ST6GALNAC3: variants seen among roughly 807,000 people sequenced by gnomAD.
The protein encoded by ST6GALNAC3 is ST6 N-acetylgalactosaminide alpha-2,6-sialyltransferase 3.
Under a neutral mutation model 32.7 loss-of-function variants are expected in ST6GALNAC3, and 25 were observed. That is an observed-to-expected ratio of 0.76 (90% confidence interval 0.56 to 1.07). The LOEUF is 1.07. Ranked by LOEUF, ST6GALNAC3 falls within the 50% of genes least tolerant of loss-of-function variation. The pLI, the probability that ST6GALNAC3 is intolerant of heterozygous loss-of-function variation, is 0.00. For missense variants in ST6GALNAC3, 355 were observed against 382.4 expected (o/e 0.93, Z 0.60); for synonymous variants, 129 against 133.1 (o/e 0.97, Z 0.21).
chr1:76,165,147 T>C lies in ST6GALNAC3; in HGVS notation c.18+90263T>C, dbSNP rs530878173. 2.6e-5 allele frequency among the ~76,000 whole-genome samples: 4 copies of C among 152,278 alleles called. No individual in the cohort carries two copies. The South Asian group carries it at 8.3e-4, about 32-fold the overall frequency. ...TAAGCCTAGTACCTGTTAGTTATTG[T>C]TCCTGATCCTCTCCCTCCTCTCACC... is the stretch of plus-strand genomic sequence containing the variant. On this transcript the variant is annotated intron_variant, in intron 1 of 4. Coordinates refer to ENST00000328299, the MANE Select transcript of ST6GALNAC3 (RefSeq NM_152996.4).
At chr1:76,346,741 A>G (rs1471064860) in intron 2 of ST6GALNAC3, among the ~76,000 whole-genome samples, 2 of 152,142 alleles carry the variant, frequency 1.3e-5, no homozygotes, top group Admixed American at 1.3e-4. Flanking sequence ...CTGAGCACCC[A>G]GTTCCTTCTA....
At chr1:76,260,262 A>G (rs553209176) in intron 1 of ST6GALNAC3, among the ~76,000 whole-genome samples, 1 of 152,186 alleles carries the variant, frequency 6.6e-6, no homozygotes, top group Non-Finnish European at 1.5e-5. Context: ...TAGAAAATCA[A>G]ATGCCATTTA....
At chr1:76,635,301 TTATC>T (rs1410556408), downstream of ST6GALNAC3, among the ~76,000 whole-genome samples, 3 of 152,180 alleles carry the variant, frequency 2.0e-5, no homozygotes, top group African/African-American at 7.2e-5. Flanking sequence ...CAGCTTATAG[TTATC>T]TATCCAACTC....
At chr1:76,186,018 A>G (rs1300854404) in intron 1 of ST6GALNAC3, among the ~76,000 whole-genome samples, 5 of 152,206 alleles carry the variant, frequency 3.3e-5, no homozygotes, top group Admixed American at 3.3e-4. Context: ...GGACTTGAGC[A>G]TCTGCAGATT....
intron 1 of ST6GALNAC3, among the ~76,000 whole-genome samples, chr1:76,116,249 G>A (rs1001972320): frequency 6.6e-6 from 1 of 152,016 alleles, no homozygotes; most frequent in African/African-American, 2.4e-5. Context: ...GTGAGGGAAG[G>A]TGAGTATGCC....
At chr1:76,569,761 T>C (rs1206811478) in intron 3 of ST6GALNAC3, among the ~76,000 whole-genome samples, 1 of 152,136 alleles carries the variant, frequency 6.6e-6, no homozygotes, top group Non-Finnish European at 1.5e-5. Flanking sequence ...TATTTCTCAC[T>C]AGAAATAGCA....
At chr1:76,503,491 T>C (rs1661300850) in intron 3 of ST6GALNAC3, among the ~76,000 whole-genome samples, 1 of 152,242 alleles carries the variant, frequency 6.6e-6, no homozygotes, top group African/African-American at 2.4e-5. Flanking sequence ...TGACTGGTAA[T>C]AGCAAAATCT....
intron 3 of ST6GALNAC3, among the ~76,000 whole-genome samples, chr1:76,588,618 G>A (rs1182065431): frequency 6.6e-6 from 1 of 152,106 alleles, no homozygotes; most frequent in Non-Finnish European, 1.5e-5. Flanking sequence ...CACCATTTGG[G>A]GGCTCCCTTG....
intron 3 of ST6GALNAC3, among the ~76,000 whole-genome samples, chr1:76,429,924 T>C (rs1655639751): frequency 6.6e-6 from 1 of 152,182 alleles, no homozygotes; most frequent in African/African-American, 2.4e-5. Context: ...TGAAACATTC[T>C]CTCCCCAAGA....
At chr1:76,440,773 T>G (rs896538071) in intron 3 of ST6GALNAC3, among the ~76,000 whole-genome samples, 8 of 152,120 alleles carry the variant, frequency 5.3e-5, no homozygotes, top group Non-Finnish European at 1.0e-4. Context: ...GGATTTTTCT[T>G]CAGGATCTGC....
At chr1:76,142,284 A>T (rs188662670) in intron 1 of ST6GALNAC3, among the ~76,000 whole-genome samples, 10 of 152,200 alleles carry the variant, frequency 6.6e-5, no homozygotes, top group Non-Finnish European at 1.5e-4. Flanking sequence ...GGCTTAAATC[A>T]AATAGAAGTG....
In ST6GALNAC3 at chr1:76,467,857, A is replaced by G. The variant is rs78821539; in HGVS notation, c.623+55440A>G. On this transcript the variant is annotated intron_variant, in intron 3 of 4. Coordinates refer to ENST00000328299, the MANE Select transcript of ST6GALNAC3 (RefSeq NM_152996.4). The stretch of plus-strand genomic sequence containing the variant: ...TAAAAAGTGGCAGCATATAAATTGC[A>G]ATAAAATGAAATACAATTTTCACTG... 9.7e-3 allele frequency among the ~76,000 whole-genome samples: 1,472 copies of G among 152,110 alleles called. 29 individuals are homozygous for G. The highest frequency in any genetic ancestry group is 0.033 in the African/African-American group (1,368 of 41,524).
intron 1 of ST6GALNAC3, among the ~76,000 whole-genome samples, chr1:76,092,465 C>T (rs574954324): frequency 1.4e-5 from 2 of 147,412 alleles, no homozygotes; most frequent in Admixed American, 1.4e-4. Flanking sequence ...TTGATAAGCA[C>T]CAGGTGCTTT....
chr1:76,334,359 G>A (rs1184016185), intron 2 of ST6GALNAC3, among the ~76,000 whole-genome samples: 1 of 126,608 alleles, frequency 7.9e-6, no homozygotes, highest in Non-Finnish European at 1.9e-5. Context: ...TTTACCTTTT[G>A]CTTTTGTGGA....
chr1:76,185,139 G>A (rs1238979901), intron 1 of ST6GALNAC3, among the ~76,000 whole-genome samples: 2 of 152,144 alleles, frequency 1.3e-5, no homozygotes, highest in African/African-American at 2.4e-5. Flanking sequence ...AGGCTAGTTA[G>A]TGTTAGACCC....
intron 1 of ST6GALNAC3, among the ~76,000 whole-genome samples, chr1:76,098,039 C>T (rs959732795): frequency 6.6e-6 from 1 of 151,926 alleles, no homozygotes; most frequent in African/African-American, 2.4e-5. Flanking sequence ...TACATGTTAG[C>T]AGCTGGTTCA....
chr1:76,494,697 C>T (rs1431957442), intron 3 of ST6GALNAC3, among the ~76,000 whole-genome samples: 5 of 134,204 alleles, frequency 3.7e-5, no homozygotes, highest in African/African-American at 1.5e-4. Context: ...TACTTTCTTC[C>T]ACTTATTACC....
chr1:76,378,608 G>T (rs1466416672), intron 2 of ST6GALNAC3, among the ~76,000 whole-genome samples: 3 of 151,882 alleles, frequency 2.0e-5, no homozygotes, highest in Non-Finnish European at 4.4e-5. Context: ...GTTGCAGTGA[G>T]TGGAGATCAC....
At chr1:76,110,160 A>G (rs1647820300) in intron 1 of ST6GALNAC3, among the ~76,000 whole-genome samples, 2 of 152,148 alleles carry the variant, frequency 1.3e-5, no homozygotes, top group African/African-American at 2.4e-5. Flanking sequence ...AGCCCTCCAC[A>G]TATGCGGAGA....
Sources: allele counts gnomAD v4.1 joint callset (sites outside exome capture counted in the v4.1 genomes callset), GRCh38; gene constraint gnomAD v4.1.1; transcripts MANE v1.5; gene names NCBI Gene and HGNC (gene_info 2026-07-23, HGNC 2026-07-21).